PDCD6IP: variants seen among roughly 807,000 people sequenced by gnomAD.
PDCD6IP encodes the protein programmed cell death 6-interacting protein.
In PDCD6IP, 43 loss-of-function variants were observed where a neutral mutation model predicts 103.7. The ratio of observed to expected loss-of-function variants is 0.41; its 90% CI spans 0.32 to 0.53. The LOEUF is 0.53. Among genes scored for constraint, PDCD6IP ranks in the 20% least tolerant of loss-of-function variants. The pLI, the probability that PDCD6IP is intolerant of heterozygous loss-of-function variation, is 0.16. For missense variants in PDCD6IP, 871 were observed against 1,036.7 expected (o/e 0.84, Z 2.20); for synonymous variants, 354 against 378.7 (o/e 0.93, Z 0.76).
chr3:33,838,134 A>G, intron 8 of PDCD6IP, 70 bp from the exon 9 acceptor site: 1 of 1,370,692 alleles, frequency 7.3e-7, no homozygotes, highest in Non-Finnish European at 1.0e-6. Context: ...GAAAGAAAAT[A>G]TAAACAGTCA....
intron 3 of PDCD6IP, among the ~76,000 whole-genome samples, chr3:33,816,503 T>TAAAA (rs57317946): frequency 6.9e-5 from 4 of 57,624 alleles, no homozygotes; most frequent in South Asian, 5.6e-4. Flanking sequence ...AGATTCTGTC[T>TAAAA]AAAAAAAAAA....
chr3:33,806,487 TA>T (rs550848330), intron 1 of PDCD6IP, among the ~76,000 whole-genome samples: 2 of 152,340 alleles, frequency 1.3e-5, no homozygotes, highest in South Asian at 2.1e-4. Context: ...TAGTTTTGGT[TA>T]AAAAAATTCG....
chr3:33,799,166 C>T (rs1696410185), intron 1 of PDCD6IP: 4 of 564,668 alleles, frequency 7.1e-6, no homozygotes, highest in Admixed American at 3.1e-5. Context: ...AGCCCTTGGT[C>T]GGCGAGGGCT....
intron 2 of PDCD6IP, among the ~76,000 whole-genome samples, chr3:33,812,696 C>A (rs192167348): frequency 1.2e-4 from 18 of 152,178 alleles, no homozygotes; most frequent in East Asian, 9.6e-4. Flanking sequence ...GTACTTTAAA[C>A]ATTCTTGTAC....
chr3:33,805,882 C>T (rs186673590), intron 1 of PDCD6IP, among the ~76,000 whole-genome samples: 1 of 152,118 alleles, frequency 6.6e-6, no homozygotes, highest in East Asian at 1.9e-4. Context: ...GTAGCTGGGA[C>T]TACAGGCGCC....
chr3:33,834,869 C>T (rs528435285), intron 7 of PDCD6IP, among the ~76,000 whole-genome samples: 38 of 152,134 alleles, frequency 2.5e-4, no homozygotes, highest in African/African-American at 8.4e-4. Context: ...AAACCAAACT[C>T]GTTAATTGTG....
intron 16 of PDCD6IP, among the ~76,000 whole-genome samples, chr3:33,864,959 C>G (rs1237697550): frequency 6.6e-6 from 1 of 152,054 alleles, no homozygotes. Context: ...TAAACAGTAC[C>G]TGTGCTGCTT....
At chr3:33,850,089 G>C (rs1395293744) in intron 12 of PDCD6IP, among the ~76,000 whole-genome samples, 1 of 152,104 alleles carries the variant, frequency 6.6e-6, no homozygotes, top group Non-Finnish European at 1.5e-5. Context: ...CCCTTTGTTA[G>C]AAGTTATGTT....
At chr3:33,828,001 A>G (rs755643717) in intron 6 of PDCD6IP, 10 of 152,166 alleles carry the variant, frequency 6.6e-5, no homozygotes, top group Admixed American at 2.0e-4. Context: ...TTTTGTTTAG[A>G]TAGTGATTGT....
chr3:33,848,768 C>T (rs1697651593), intron 12 of PDCD6IP, among the ~76,000 whole-genome samples: 1 of 152,170 alleles, frequency 6.6e-6, no homozygotes, highest in Admixed American at 6.5e-5. Context: ...GATTTTAAAT[C>T]TAAAACTGGG....
At chr3:33,834,463 G>T (rs186483064) in intron 7 of PDCD6IP, among the ~76,000 whole-genome samples, 102 of 152,180 alleles carry the variant, frequency 6.7e-4, no homozygotes, top group Non-Finnish European at 1.2e-3. Flanking sequence ...TTAAATTTGT[G>T]CAATTTCCCG....
intron 16 of PDCD6IP, among the ~76,000 whole-genome samples, chr3:33,864,711 T>A (rs550215329): frequency 6.6e-6 from 1 of 152,320 alleles, no homozygotes; most frequent in African/African-American, 2.4e-5. Context: ...AGAATATCCT[T>A]ATGAGAACTT....
intron 12 of PDCD6IP, 49 bp downstream of exon 12, chr3:33,845,637 A>C: frequency 1.4e-6 from 2 of 1,409,276 alleles, no homozygotes; most frequent in Admixed American, 2.2e-5. Context: ...AGAAAACCAC[A>C]TTCAAGCCAT....
chr3:33,865,332 GGCTGGGACT>G lies in PDCD6IP; in HGVS notation c.2339_2347del (p.Gly780_Ala782del), dbSNP rs1277737491. 2 of 1,598,106 alleles carry G rather than the reference GGCTGGGACT, an allele frequency of 1.3e-6. No individual in the cohort carries two copies. Among genetic ancestry groups the G allele is most frequent in the Non-Finnish European group, 1.7e-6 (2 of 1,173,018 alleles). The stretch of plus-strand genomic sequence containing the variant: ...CTGCTACTGCTCCATCTCCAGTGGG[GGCTGGGACT>G]GCTGCGCCAGCTCCATCACAAACGC... On this transcript the variant is annotated inframe_deletion, in exon 17 of 18. Transcript: ENST00000307296.
At chr3:33,832,764 T>C (rs1357021099) in intron 7 of PDCD6IP, among the ~76,000 whole-genome samples, 1 of 152,222 alleles carries the variant, frequency 6.6e-6, no homozygotes, top group Non-Finnish European at 1.5e-5. Flanking sequence ...TACTTGAGAC[T>C]GTTTTAATGT....
chr3:33,800,981 A>G (rs1696464358), intron 1 of PDCD6IP, among the ~76,000 whole-genome samples: 1 of 152,180 alleles, frequency 6.6e-6, no homozygotes, highest in South Asian at 2.1e-4. Context: ...AACTGTTCCT[A>G]GGTAGTGGAC....
In PDCD6IP at chr3:33,825,319, T is replaced by C; in HGVS notation, c.595T>C (p.Phe199Leu). The change falls in exon 5 of 18, where the codon TTT (phenylalanine) becomes CTT (leucine). Residue 199 changes from phenylalanine (F) to leucine (L), a missense_variant. By Grantham distance (22) the Phe-to-Leu change is conservative. Around this residue, in one of 5 missense-constraint regions of PDCD6IP, gnomAD observed 242 missense variants for 250.7 expected, o/e 0.97. Transcript: ENST00000307296. ...TATGCTGGCACAGGCTCAAGAAGTA[T>C]TTTTTTTAAAAGCCACAAGAGGTAA... The part of the protein sequence containing the change: ...LIMLAQAQEV[F>L]FLKATRDKMK... 1 of 1,583,918 alleles carries C rather than the reference T, an allele frequency of 6.3e-7. No homozygotes were observed. Among genetic ancestry groups the C allele is most frequent in the Non-Finnish European group, 8.6e-7 (1 of 1,165,852 alleles).
chr3:33,851,388 A>G (rs1048787916), intron 12 of PDCD6IP, among the ~76,000 whole-genome samples: 4 of 152,116 alleles, frequency 2.6e-5, no homozygotes, highest in Admixed American at 6.5e-5. Context: ...CTTGAACACT[A>G]TGAATATGAA....
At chr3:33,835,265 C>T in intron 7 of PDCD6IP, 1 of 456,746 alleles carries the variant, frequency 2.2e-6, no homozygotes, top group Non-Finnish European at 4.4e-6. Flanking sequence ...TCCACCCTTT[C>T]ACTGAGAGTT....
Sources: gnomAD v4.1 joint callset for allele counts (sites outside exome capture counted in the v4.1 genomes callset) on GRCh38, gnomAD v4.1.1 for gene constraint, gnomAD v4.1.1 regional missense constraint, MANE v1.5 for transcripts, NCBI Gene and HGNC (gene_info 2026-07-23, HGNC 2026-07-21) for gene names.